Variants in SEPTIN7 observed in about 807,000 individuals in gnomAD.
The protein encoded by SEPTIN7 is septin-7.
Under a neutral mutation model 63.3 loss-of-function variants are expected in SEPTIN7, and 10 were observed. The observed-to-expected ratio is 0.16, with a 90% CI of 0.10 to 0.27. The LOEUF (loss-of-function observed/expected upper bound fraction) is 0.27. Among genes scored for constraint, SEPTIN7 ranks in the 10% least tolerant of loss-of-function variants. SEPTIN7 has a pLI of 1.00. For missense variants in SEPTIN7, 310 were observed against 521.0 expected (o/e 0.59, Z 3.94); for synonymous variants, 131 against 165.3 (o/e 0.79, Z 1.59).
At position 35,877,435 on chromosome 7, in the gene SEPTIN7, C is replaced by G. The variant is rs1265103290; in HGVS notation, c.513-2388C>G. 2.0e-5 allele frequency among the ~76,000 whole-genome samples: 3 copies of G among 152,242 alleles called. No individual in the cohort carries two copies. The East Asian group carries it at 5.8e-4, about 29-fold the overall frequency. On this transcript the variant is annotated intron_variant, in intron 6 of 13. Coordinates refer to ENST00000350320, the MANE Select transcript of SEPTIN7 (RefSeq NM_001788.6). ...GGACTATCTTATTAGTCTTAGGGCC[C>G]TAATCCCCCCAGTTTTAATATATAT...
downstream of SEPTIN7, among the ~76,000 whole-genome samples, chr7:35,909,633 A>G (rs1220580876): frequency 6.6e-6 from 1 of 152,216 alleles, no homozygotes. Flanking sequence ...TGCTGCAACA[A>G]GTGTTTGTGG....
intron 1 of SEPTIN7, among the ~76,000 whole-genome samples, chr7:35,809,225 C>T (rs186512751): frequency 3.9e-5 from 6 of 152,274 alleles, no homozygotes; most frequent in Non-Finnish European, 5.9e-5. Flanking sequence ...TAAGAGTTTT[C>T]GGATCTAGAG....
At chr7:35,875,286 A>G (rs1786402080) in intron 6 of SEPTIN7, among the ~76,000 whole-genome samples, 1 of 152,210 alleles carries the variant, frequency 6.6e-6, no homozygotes, top group Non-Finnish European at 1.5e-5. Context: ...TGTACCTTTG[A>G]ACAATTTCTC....
At chr7:35,848,299 G>A (rs1172600582) in intron 3 of SEPTIN7, among the ~76,000 whole-genome samples, 1 of 151,812 alleles carries the variant, frequency 6.6e-6, no homozygotes, top group Non-Finnish European at 1.5e-5. Context: ...ATGGAGTCTC[G>A]CTCTGTCGCC....
chr7:35,814,897 C>G (rs1583493500), intron 1 of SEPTIN7, among the ~76,000 whole-genome samples: 1 of 150,252 alleles, frequency 6.7e-6, no homozygotes, highest in African/African-American at 2.5e-5. Context: ...ATGGCCTAAA[C>G]CTGGAAGGCA....
intron 1 of SEPTIN7, among the ~76,000 whole-genome samples, chr7:35,810,897 G>A (rs1051536042): frequency 4.6e-5 from 7 of 151,866 alleles, no homozygotes; most frequent in African/African-American, 1.7e-4. Context: ...CTCCCGAGTA[G>A]CTGGGATTAC....
intron 6 of SEPTIN7, 171 bp from the exon 7 acceptor site, chr7:35,879,652 A>G (rs762372830): frequency 2.4e-4 from 132 of 553,010 alleles, no homozygotes; most frequent in African/African-American, 4.4e-4. Flanking sequence ...AGCCACTCCA[A>G]TGCTTCTTGA....
At chr7:35,829,142 T>TTC (rs1783683873) in intron 1 of SEPTIN7, among the ~76,000 whole-genome samples, 2 of 137,604 alleles carry the variant, frequency 1.5e-5, no homozygotes, top group Non-Finnish European at 3.2e-5. Flanking sequence ...TTTTTTTTTT[T>TTC]TTTTTTTTTT....
intron 3 of SEPTIN7, among the ~76,000 whole-genome samples, chr7:35,834,152 TATCTTACCTTTACATATGTAATATTAATA>T (rs997814434): frequency 7.9e-5 from 12 of 152,016 alleles, no homozygotes; most frequent in Admixed American, 6.6e-4. Context: ...AGAAACACTG[TATCTTACCTTTACATATGTAATATTAATA>T]ATCTCAAGTG....
At chr7:35,817,715 A>C (rs999234288) in intron 1 of SEPTIN7, among the ~76,000 whole-genome samples, 1 of 152,042 alleles carries the variant, frequency 6.6e-6, no homozygotes. Flanking sequence ...TTTTGTGAAC[A>C]ACATTTTTAT....
intron 3 of SEPTIN7, among the ~76,000 whole-genome samples, chr7:35,862,372 T>G (rs1425899370): frequency 6.6e-6 from 1 of 152,180 alleles, no homozygotes; most frequent in African/African-American, 2.4e-5. Context: ...CATACTTTTG[T>G]TTTTAATTTC....
At chr7:35,813,196 C>T (rs1788839235) in intron 1 of SEPTIN7, among the ~76,000 whole-genome samples, 1 of 152,110 alleles carries the variant, frequency 6.6e-6, no homozygotes, top group Admixed American at 6.5e-5. Context: ...AACTTACCCG[C>T]CTGAACACAA....
chr7:35,824,898 A>G (rs778230798), intron 1 of SEPTIN7, among the ~76,000 whole-genome samples: 50 of 152,214 alleles, frequency 3.3e-4, no homozygotes, highest in Admixed American at 1.2e-3. Context: ...TGATTCTTAT[A>G]CTAAGTCTTT....
intron 11 of SEPTIN7, among the ~76,000 whole-genome samples, chr7:35,895,367 A>G (rs781755168): frequency 6.6e-6 from 1 of 152,216 alleles, no homozygotes; most frequent in South Asian, 2.1e-4. Flanking sequence ...AGAGACTTCA[A>G]TAATTCATTT....
At chr7:35,861,784 A>T (rs2096554274) in intron 3 of SEPTIN7, among the ~76,000 whole-genome samples, 1 of 152,170 alleles carries the variant, frequency 6.6e-6, no homozygotes, top group African/African-American at 2.4e-5. Flanking sequence ...AAAATGTTAC[A>T]AGTTAGGTCT....
intron 3 of SEPTIN7, chr7:35,847,861 T>C (rs754141377): frequency 2.0e-5 from 3 of 152,334 alleles, no homozygotes; most frequent in Middle Eastern, 3.4e-3. Context: ...CTTAAAAGAA[T>C]CTATAGGTTA....
At chr7:35,903,293 T>G in intron 13 of SEPTIN7, 78 bp downstream of exon 13, 1 of 1,444,786 alleles carries the variant, frequency 6.9e-7, no homozygotes, top group South Asian at 1.5e-5. Flanking sequence ...TAAAAAACAT[T>G]AGAATAACAC....
intron 3 of SEPTIN7, among the ~76,000 whole-genome samples, chr7:35,856,982 C>T (rs550861230): frequency 6.6e-6 from 1 of 152,100 alleles, no homozygotes; most frequent in East Asian, 1.9e-4. Flanking sequence ...TTTGATTTTC[C>T]TCCTTCCTTG....
At chr7:35,836,480 A>G (rs183444096) in intron 3 of SEPTIN7, among the ~76,000 whole-genome samples, 31 of 152,316 alleles carry the variant, frequency 2.0e-4, no homozygotes, top group Admixed American at 4.6e-4. Context: ...AATTTTAAAC[A>G]TTTAATGATA....
Sources: gnomAD v4.1 joint callset for allele counts (sites outside exome capture counted in the v4.1 genomes callset) on GRCh38, gnomAD v4.1.1 for gene constraint, MANE v1.5 for transcripts, NCBI Gene and HGNC (gene_info 2026-07-23, HGNC 2026-07-21) for gene names.